The following GALNTL6 variants were observed in gnomAD, a reference collection of about 807,000 sequenced individuals.
GALNTL6 encodes the protein polypeptide N-acetylgalactosaminyltransferase like 6, also known as polypeptide N-acetylgalactosaminyltransferase-like 6.
Under a neutral mutation model 73.7 loss-of-function variants are expected in GALNTL6, and 46 were observed. The ratio of observed to expected loss-of-function variants is 0.62; its 90% confidence interval spans 0.49 to 0.80. GALNTL6 has a LOEUF of 0.80. GALNTL6 is among the 30% of genes least tolerant of loss of function. The pLI is 0.00. For missense variants in GALNTL6, 604 were observed against 755.0 expected (o/e 0.80, Z 2.34); for synonymous variants, 259 against 263.7 (o/e 0.98, Z 0.17).
At chr4:172,196,657 T>C (rs972994587) in intron 2 of GALNTL6, among the ~76,000 whole-genome samples, 2 of 152,108 alleles carry the variant, frequency 1.3e-5, no homozygotes, top group Non-Finnish European at 2.9e-5. Context: ...AATCAATAAA[T>C]GTAAGTTATC....
chr4:172,022,737 A>G (rs551833038), intron 2 of GALNTL6, among the ~76,000 whole-genome samples: 14 of 152,070 alleles, frequency 9.2e-5, no homozygotes, highest in African/African-American at 3.1e-4. Flanking sequence ...AATGTAAGTC[A>G]TAGGTCTGAC....
chr4:172,514,120 G>A (rs971589136), intron 5 of GALNTL6, among the ~76,000 whole-genome samples: 4 of 152,152 alleles, frequency 2.6e-5, no homozygotes, highest in Non-Finnish European at 5.9e-5. Context: ...AGGTCACCTG[G>A]ATAAGTACTC....
At chr4:172,060,164 A>C (rs1013198158) in intron 2 of GALNTL6, among the ~76,000 whole-genome samples, 17 of 152,214 alleles carry the variant, frequency 1.1e-4, no homozygotes, top group Non-Finnish European at 2.2e-4. Flanking sequence ...ATACCATCTT[A>C]ACCTGAATTA....
At chr4:172,339,543 T>C (rs1741484375) in intron 4 of GALNTL6, among the ~76,000 whole-genome samples, 1 of 152,098 alleles carries the variant, frequency 6.6e-6, no homozygotes, top group African/African-American at 2.4e-5. Flanking sequence ...GTAGTCACAC[T>C]GTTGGGTTGC....
chr4:172,358,123 A>G (rs1742233313), intron 5 of GALNTL6, among the ~76,000 whole-genome samples: 1 of 152,184 alleles, frequency 6.6e-6, no homozygotes, highest in South Asian at 2.1e-4. Flanking sequence ...TCATGAGATA[A>G]GTAGAAATAT....
intron 2 of GALNTL6, among the ~76,000 whole-genome samples, chr4:171,961,076 G>A (rs1268699197): frequency 6.6e-6 from 1 of 151,876 alleles, no homozygotes; most frequent in Non-Finnish European, 1.5e-5. Flanking sequence ...ACATCTTCCT[G>A]GAAAACCACA....
intron 5 of GALNTL6, among the ~76,000 whole-genome samples, chr4:172,727,908 C>T (rs187166848): frequency 0.011 from 1,637 of 150,526 alleles, 21 homozygotes; most frequent in Middle Eastern, 0.041. Flanking sequence ...ACCATCTTTG[C>T]TATTGTTTTC....
At chr4:172,032,643 A>G (rs1470832442) in intron 2 of GALNTL6, among the ~76,000 whole-genome samples, 6 of 152,070 alleles carry the variant, frequency 3.9e-5, no homozygotes, top group Admixed American at 3.3e-4. Flanking sequence ...GGACATAAAT[A>G]AGAAGCAGCC....
At chr4:172,298,795 C>T (rs1213207572) in intron 3 of GALNTL6, among the ~76,000 whole-genome samples, 5 of 152,180 alleles carry the variant, frequency 3.3e-5, no homozygotes, top group South Asian at 2.1e-4. Flanking sequence ...ATTTTTGCAT[C>T]GATGTTCATG....
chr4:172,943,698 T>C (rs1472470041), intron 9 of GALNTL6, among the ~76,000 whole-genome samples: 1 of 152,046 alleles, frequency 6.6e-6, no homozygotes, highest in Admixed American at 6.6e-5. Context: ...GAGAAAAAAA[T>C]GCAAATCATA....
At chr4:172,775,174 T>C (rs1220448697) in intron 5 of GALNTL6, among the ~76,000 whole-genome samples, 1 of 152,084 alleles carries the variant, frequency 6.6e-6, no homozygotes, top group Non-Finnish European at 1.5e-5. Context: ...AGTATAGTTG[T>C]ACAACTATTA....
chr4:173,028,447 C>T (rs544765763), intron 12 of GALNTL6, among the ~76,000 whole-genome samples: 1 of 152,172 alleles, frequency 6.6e-6, no homozygotes, highest in South Asian at 2.1e-4. Flanking sequence ...CTACTCCTCC[C>T]TTTTGCTCTA....
chr4:172,958,239 C>T (rs925070787), intron 10 of GALNTL6, among the ~76,000 whole-genome samples: 5 of 152,170 alleles, frequency 3.3e-5, no homozygotes, highest in African/African-American at 7.2e-5. Context: ...CAGCATCAGC[C>T]GCTGCACGCA....
At chr4:172,326,517 A>G (rs772067497) in intron 4 of GALNTL6, among the ~76,000 whole-genome samples, 3 of 151,870 alleles carry the variant, frequency 2.0e-5, no homozygotes, top group Non-Finnish European at 4.4e-5. Context: ...AATAAAGTCA[A>G]TTTGGCTTTT....
intron 2 of GALNTL6, among the ~76,000 whole-genome samples, chr4:172,135,139 CT>C (rs1194910584): frequency 1.3e-5 from 2 of 151,956 alleles, no homozygotes; most frequent in Non-Finnish European, 2.9e-5. Context: ...TATTGGGGAG[CT>C]TTTATAACAA....
chr4:171,944,823 A>C (rs562262598), intron 2 of GALNTL6, among the ~76,000 whole-genome samples: 1 of 152,024 alleles, frequency 6.6e-6, no homozygotes, highest in East Asian at 1.9e-4. Flanking sequence ...TAAAAAAAAA[A>C]TCTCACCTGT....
intron 10 of GALNTL6, among the ~76,000 whole-genome samples, chr4:172,975,308 G>A (rs926512425): frequency 6.6e-6 from 1 of 152,120 alleles, no homozygotes; most frequent in Non-Finnish European, 1.5e-5. Context: ...GACCCAGAGT[G>A]GGCAGCTTCT....
At chr4:172,319,470 A>G (rs1471626605) in intron 4 of GALNTL6, among the ~76,000 whole-genome samples, 1 of 152,232 alleles carries the variant, frequency 6.6e-6, no homozygotes, top group Admixed American at 6.5e-5. Flanking sequence ...TCTTGATTTG[A>G]ATATTTTAAA....
At chr4:172,097,811 C>T (rs1213316517) in intron 2 of GALNTL6, among the ~76,000 whole-genome samples, 4 of 152,122 alleles carry the variant, frequency 2.6e-5, no homozygotes, top group Non-Finnish European at 2.9e-5. Context: ...TTAACTGTTA[C>T]CAGCCTGCTC....
Sources: allele counts gnomAD v4.1 joint callset (sites outside exome capture counted in the v4.1 genomes callset), GRCh38; gene constraint gnomAD v4.1.1; transcripts MANE v1.5; gene names NCBI Gene and HGNC (gene_info 2026-07-23, HGNC 2026-07-21).